The following ESRRG variants were observed in gnomAD, a reference collection of about 807,000 sequenced individuals.
The protein encoded by ESRRG is estrogen-related receptor gamma.
Under a neutral mutation model 44.0 loss-of-function variants are expected in ESRRG, and 13 were observed. The ratio of observed to expected loss-of-function variants is 0.30; its 90% CI spans 0.19 to 0.47. The LOEUF (loss-of-function observed/expected upper bound fraction) is 0.47. Ranked by LOEUF, ESRRG falls within the 20% of genes least tolerant of loss-of-function variation. ESRRG has a pLI of 1.00. For missense variants in ESRRG, 395 were observed against 580.6 expected (o/e 0.68, Z 3.29); for synonymous variants, 215 against 214.6 (o/e 1.00, Z -0.02).
chr1:216,832,128 A>G (rs1172962005), intron 2 of ESRRG, among the ~76,000 whole-genome samples: 1 of 152,186 alleles, frequency 6.6e-6, no homozygotes, highest in African/African-American at 2.4e-5. Flanking sequence ...GCGCTACACA[A>G]TAGCTCATTT....
At chr1:216,632,624 T>C (rs898924547) in intron 3 of ESRRG, among the ~76,000 whole-genome samples, 1 of 152,152 alleles carries the variant, frequency 6.6e-6, no homozygotes, top group African/African-American at 2.4e-5. Context: ...AGGATTAAAA[T>C]TTAAAACACA....
chr1:216,906,834 T>C (rs1208627191), intron 2 of ESRRG, among the ~76,000 whole-genome samples: 3 of 152,256 alleles, frequency 2.0e-5, no homozygotes, highest in Non-Finnish European at 2.9e-5. Context: ...GTTCCCTTTT[T>C]ATTTTTGTAC....
chr1:216,888,246 G>A (rs2057306240), intron 2 of ESRRG, among the ~76,000 whole-genome samples: 1 of 152,128 alleles, frequency 6.6e-6, no homozygotes, highest in Non-Finnish European at 1.5e-5. Flanking sequence ...CGTTATTACA[G>A]CTGCAGAATT....
chr1:216,793,181 T>C (rs1000188018), intron 2 of ESRRG, among the ~76,000 whole-genome samples: 2 of 152,132 alleles, frequency 1.3e-5, no homozygotes, highest in African/African-American at 4.8e-5. Context: ...TTGTTGCTAA[T>C]CTTGGACACT....
intron 1 of ESRRG, among the ~76,000 whole-genome samples, chr1:217,108,384 G>T (rs555380456): frequency 2.0e-5 from 3 of 152,168 alleles, no homozygotes; most frequent in African/African-American, 4.8e-5. Context: ...ATACTTGTGG[G>T]TATCATTTTC....
intron 2 of ESRRG, among the ~76,000 whole-genome samples, chr1:216,748,387 C>T (rs892119882): frequency 6.6e-6 from 1 of 152,140 alleles, no homozygotes; most frequent in Admixed American, 6.6e-5. Flanking sequence ...ACTGCAGAAG[C>T]AAACACTTTG....
intron 5 of ESRRG, among the ~76,000 whole-genome samples, chr1:216,547,515 A>AG (rs2054918269): frequency 6.6e-6 from 1 of 152,114 alleles, no homozygotes; most frequent in Non-Finnish European, 1.5e-5. Flanking sequence ...AATTGTCCAG[A>AG]GGCACACATT....
At chr1:216,520,511 C>T (rs2045764280) in intron 5 of ESRRG, among the ~76,000 whole-genome samples, 1 of 152,068 alleles carries the variant, frequency 6.6e-6, no homozygotes, top group African/African-American at 2.4e-5. Context: ...ATTAAGCCTA[C>T]TTAGGAGTGA....
intron 1 of ESRRG, among the ~76,000 whole-genome samples, chr1:216,696,923 C>G (rs2151813065): frequency 6.6e-6 from 1 of 151,582 alleles, no homozygotes; most frequent in African/African-American, 2.4e-5. Flanking sequence ...AAGCTTAAAG[C>G]ATTATGCAAA....
chr1:216,599,326 A>T (rs1342767158), intron 3 of ESRRG, among the ~76,000 whole-genome samples: 1 of 152,214 alleles, frequency 6.6e-6, no homozygotes, highest in Non-Finnish European at 1.5e-5. Context: ...CAACAAGAAG[A>T]ACTTTACACA....
At chr1:216,654,629 CAA>C (rs35748361) in intron 2 of ESRRG, among the ~76,000 whole-genome samples, 120 of 94,140 alleles carry the variant, frequency 1.3e-3, no homozygotes, top group Middle Eastern at 5.1e-3. Flanking sequence ...AACTCTGTTT[CAA>C]AAAAAAAAAA....
intron 2 of ESRRG, among the ~76,000 whole-genome samples, chr1:216,809,325 T>TAA (rs201618241): frequency 3.1e-3 from 373 of 119,086 alleles, no homozygotes; most frequent in African/African-American, 9.2e-3. Context: ...TTTTTTACAG[T>TAA]AAAAAAAAAA....
chr1:216,882,072 C>G (rs1404297210), intron 2 of ESRRG, among the ~76,000 whole-genome samples: 1 of 151,766 alleles, frequency 6.6e-6, no homozygotes, highest in Non-Finnish European at 1.5e-5. Context: ...CCCTGTGATA[C>G]CTTTGTTTAG....
chr1:217,103,261 T>C lies in ESRRG; in HGVS notation c.-230+34406A>G, dbSNP rs148236906. On this transcript the variant is annotated intron_variant, in intron 1 of 8. Coordinates refer to the ESRRG transcript ENST00000366940. ...ACCTTGGTACTACCACTGGTACTGC[T>C]GGAAGATGAAGTGTGAGGCAGAGAG... is the stretch of plus-strand genomic sequence containing the variant. Among the ~76,000 whole-genome samples, 448 of 152,166 alleles carry C rather than the reference T, an allele frequency of 2.9e-3. 1 individual carries two copies. Among genetic ancestry groups the C allele is most frequent in the Middle Eastern group, 6.8e-3 (2 of 292 alleles).
intron 1 of ESRRG, among the ~76,000 whole-genome samples, chr1:216,943,369 A>C (rs138369258): frequency 3.2e-4 from 49 of 152,318 alleles, no homozygotes; most frequent in African/African-American, 1.2e-3. Context: ...TTGTTGCAGG[A>C]ACCTTCTTAG....
intron 3 of ESRRG, among the ~76,000 whole-genome samples, chr1:216,625,643 G>A (rs2063066869): frequency 6.6e-6 from 1 of 152,038 alleles, no homozygotes; most frequent in Non-Finnish European, 1.5e-5. Flanking sequence ...TCCATCTCCA[G>A]CACTTAAAAG....
At chr1:216,818,061 A>G (rs778531993) in intron 2 of ESRRG, among the ~76,000 whole-genome samples, 2 of 152,202 alleles carry the variant, frequency 1.3e-5, no homozygotes, top group Middle Eastern at 3.2e-3. Context: ...TGCACCAACA[A>G]TGACAGGGTT....
chr1:216,863,478 A>T (rs541518479), intron 2 of ESRRG: 1 of 152,270 alleles, frequency 6.6e-6, no homozygotes, highest in Non-Finnish European at 1.5e-5. Context: ...ACCTAGTTGC[A>T]GAATTCACTG....
intron 2 of ESRRG, among the ~76,000 whole-genome samples, chr1:216,822,283 G>A (rs1056412015): frequency 5.3e-5 from 8 of 152,056 alleles, no homozygotes; most frequent in East Asian, 1.9e-4. Flanking sequence ...AATAAATACC[G>A]ATACTCTCTA....
Sources: allele counts gnomAD v4.1 joint callset (sites outside exome capture counted in the v4.1 genomes callset), GRCh38; gene constraint gnomAD v4.1.1; transcripts MANE v1.5; gene names NCBI Gene and HGNC (gene_info 2026-07-23, HGNC 2026-07-21).